Variants in ERCC3 observed in about 807,000 individuals in gnomAD.
The protein encoded by ERCC3 is general transcription and DNA repair factor IIH helicase/translocase subunit XPB.
A neutral mutation model predicts 94.2 loss-of-function variants in ERCC3; 66 were observed. That is an observed-to-expected ratio of 0.70 (90% confidence interval 0.57 to 0.86). The LOEUF is 0.86. ERCC3 is among the 40% of genes least tolerant of loss of function. The pLI is 0.00. For missense variants in ERCC3, 829 were observed against 987.1 expected, an observed-to-expected ratio of 0.84 and a Z score of 2.15; for synonymous variants, 349 against 369.1, an observed-to-expected ratio of 0.95 and a Z score of 0.63.
chr2:127,269,490 C>T (rs1004347084), intron 12 of ERCC3, among the ~76,000 whole-genome samples: 9 of 146,162 alleles, frequency 6.2e-5, no homozygotes, highest in African/African-American at 1.8e-4. Context: ...GGCGCAATCT[C>T]GGCTCACTGT....
chr2:127,261,226 A>T lies in ERCC3; in HGVS notation c.2064+2T>A. The T allele has an allele frequency of 6.3e-7, 1 of 1,576,738 alleles. No individual in the cohort carries two copies. Among genetic ancestry groups the T allele is most frequent in the Non-Finnish European group, 8.7e-7 (1 of 1,145,870 alleles). ...CTAACCAGAAGCCAAATGGATATGT[A>T]CCTTGAAGCTATAACCTTGATCTAC... On this transcript the variant is annotated splice_donor_variant, in intron 13 of 14. Coordinates refer to ENST00000285398, the MANE Select transcript of ERCC3 (RefSeq NM_000122.2). LOFTEE classifies it high-confidence loss of function.
rs540104997 is a variant in ERCC3, at chr2:127,259,059, G to A, written c.2217+237C>T. Among the ~76,000 whole-genome samples the A allele has an allele frequency of 6.6e-6, 1 of 152,280 alleles. No individual in the cohort carries two copies. The highest frequency in any genetic ancestry group is 1.9e-4 in the East Asian group (1 of 5,170). On this transcript the variant is annotated intron_variant, in intron 14 of 14. Transcript: ENST00000285398. The surrounding 1 kb of genome is among the most constrained non-coding windows in gnomAD (Gnocchi z 4.9). ...ACATCAAGATTTAACAAATACTCGT[G>A]TGAGCAAAGCAGGAGACCAGTCACA...
At position 127,259,393 on chromosome 2, in the gene ERCC3, T is replaced by A. The variant is rs775232626; in HGVS notation, c.2120A>T (p.Glu707Val). Reference protein sequence around the residue: ...EEEDLAFSTKEEQQQLLQKVL... With the variant: ...EEEDLAFSTKVEQQQLLQKVL... ...TTTCTGTAAGAGCTGCTGTTGCTCT[T>A]CTTTTGTCGAAAACGCCAAGTCTTC... The change falls in exon 14 of 15, where the codon GAA (glutamate) becomes GTA (valine). Residue 707 changes from glutamate to valine, a missense_variant. Coordinates refer to ENST00000285398, the MANE Select transcript of ERCC3 (RefSeq NM_000122.2). The surrounding 1 kb of genome is among the most constrained non-coding windows in gnomAD (Gnocchi z 4.9). 3 of 1,614,150 alleles carry A rather than the reference T, an allele frequency of 1.9e-6. No homozygotes were observed. Among genetic ancestry groups the A allele is most frequent in the Non-Finnish European group, 2.5e-6 (3 of 1,180,016 alleles).
In ERCC3 at chr2:127,291,216, C is replaced by G. The variant is rs1685259394; in HGVS notation, c.472-943G>C. ...AATTCGCAGCCAAGACCAGGCAGAGCCACAGTGTTGGTACAAGGTCCTCTC... is the reference window on the plus strand; with the variant it reads ...AATTCGCAGCCAAGACCAGGCAGAGGCACAGTGTTGGTACAAGGTCCTCTC... On this transcript the variant is annotated intron_variant, in intron 3 of 14. Transcript: ENST00000285398. This position sits in a 1 kb window ranked among gnomAD's most constrained non-coding sequence, Gnocchi z 4.9. Among the ~76,000 whole-genome samples, 1 of 152,168 alleles carries G rather than the reference C, an allele frequency of 6.6e-6. No individual in the cohort carries two copies. The highest frequency in any genetic ancestry group is 2.4e-5 in the African/African-American group (1 of 41,438).
At chr2:127,266,892 T>C (rs974381316) in intron 12 of ERCC3, among the ~76,000 whole-genome samples, 8 of 151,526 alleles carry the variant, frequency 5.3e-5, no homozygotes, top group African/African-American at 1.7e-4. Flanking sequence ...AATTTTTGTA[T>C]TTTAGTAGAG....
At position 127,289,731 on chromosome 2, in the gene ERCC3, C is replaced by T. The variant is rs13427563; in HGVS notation, c.615G>A (p.Glu205=). The change falls in exon 5 of 15, where the codon GAG becomes GAA. Residue 205 remains glutamate, a synonymous_variant. Coordinates refer to ENST00000285398, the MANE Select transcript of ERCC3 (RefSeq NM_000122.2). ...RECRLRNSEG[E]ATELITETFT... is the part of the protein sequence containing the mutation. ...AAGTCTCTGTGATGAGCTCAGTGGC[C>T]TCCCCTTCAGAGTTTCTTAAGCGGC... The T allele has an allele frequency of 6.8e-4, 1,100 of 1,614,110 alleles. 9 individuals are homozygous for T. The African/African-American group carries it at 0.013, about 19-fold the overall frequency.
chr2:127,286,500 C>T (rs930744442), intron 8 of ERCC3, among the ~76,000 whole-genome samples: 2 of 151,452 alleles, frequency 1.3e-5, no homozygotes, highest in Admixed American at 6.6e-5. Flanking sequence ...GAGCTGAGAT[C>T]GTGCCACTGC....
At chr2:127,270,348 T>TA (rs758381108) in intron 12 of ERCC3, among the ~76,000 whole-genome samples, 2 of 152,202 alleles carry the variant, frequency 1.3e-5, no homozygotes, top group African/African-American at 4.8e-5. Flanking sequence ...TTATGACTTA[T>TA]AAGCTGAATC....
intron 10 of ERCC3, among the ~76,000 whole-genome samples, chr2:127,273,749 C>CAAA (rs398039596): frequency 6.7e-4 from 27 of 40,070 alleles, no homozygotes; most frequent in Admixed American, 1.4e-3. Flanking sequence ...AACTCTGTCT[C>CAAA]AAAAAAAAAA....
chr2:127,286,639 A>G (rs534381428), intron 8 of ERCC3, 64 bp downstream of exon 8: 7 of 1,527,918 alleles, frequency 4.6e-6, no homozygotes, highest in East Asian at 2.2e-5. Flanking sequence ...CCCTTTCCCA[A>G]CCTAACAACT....
chr2:127,261,396 A>G, intron 12 of ERCC3, 50 bp from the exon 13 acceptor site: 1 of 1,132,230 alleles, frequency 8.8e-7, no homozygotes, highest in East Asian at 2.3e-5. Context: ...ATTAGCCATT[A>G]GAATGCCAAG....
chr2:127,276,672 T>C (rs2104756287), intron 10 of ERCC3, among the ~76,000 whole-genome samples: 1 of 152,168 alleles, frequency 6.6e-6, no homozygotes, highest in African/African-American at 2.4e-5. Context: ...AGGGACTACA[T>C]AGAGAAAGTG....
rs970155880 is a variant in ERCC3 at position 127,291,324 on chromosome 2, A to G, written c.472-1051T>C. The stretch of plus-strand genomic sequence containing the variant: ...AGGCTGGAGTGCAATGAATGGTGAG[A>G]TCTCAGCTCACTTCAACCTCTGCCG... On this transcript the variant is annotated intron_variant, in intron 3 of 14. Transcript: ENST00000285398. This position sits in a 1 kb window ranked among gnomAD's most constrained non-coding sequence, Gnocchi z 4.9. 6.6e-6 allele frequency among the ~76,000 whole-genome samples: 1 copy of G among 151,852 alleles called. No homozygotes were observed. The highest frequency in any genetic ancestry group is 6.6e-5 in the Admixed American group (1 of 15,254).
At chr2:127,285,118 A>G (rs1458914842) in intron 8 of ERCC3, among the ~76,000 whole-genome samples, 1 of 152,232 alleles carries the variant, frequency 6.6e-6, no homozygotes, top group African/African-American at 2.4e-5. Context: ...GGGAAGTGAA[A>G]GAAGCCAGAC....
In ERCC3 at chr2:127,264,986, T is replaced by C. The variant is rs528350251; in HGVS notation, c.1946-3640A>G. ...CCTCAGCCTTCCACGTGGATGGAAT[T>C]ACAGGCACACGCCACCAAGCCCACC... On this transcript the variant is annotated intron_variant, in intron 12 of 14. Transcript: ENST00000285398. The surrounding 1 kb of genome is among the most constrained non-coding windows in gnomAD (Gnocchi z 4.4). 2.8e-4 allele frequency among the ~76,000 whole-genome samples: 43 copies of C among 151,954 alleles called. No individual in the cohort carries two copies. The highest frequency in any genetic ancestry group is 4.6e-4 in the Non-Finnish European group (31 of 67,978).
At chr2:127,293,997 C>CG (rs746878335) in intron 1 of ERCC3, 57 bp downstream of exon 1, 6 of 1,590,146 alleles carry the variant, frequency 3.8e-6, no homozygotes, top group Non-Finnish European at 4.3e-6. Context: ...CGAGGCAGAG[C>CG]GGGGGGCAGG....
At chr2:127,288,639 C>T (rs758721812) in intron 7 of ERCC3, 21 bp downstream of exon 7, 52 of 1,609,000 alleles carry the variant, frequency 3.2e-5, no homozygotes, top group Non-Finnish European at 3.8e-5. Context: ...TGACCACCTT[C>T]TTAACTCTGG....
rs1351312042 is a variant in ERCC3, at chr2:127,289,319, GA to G, written c.822+17del. On this transcript the variant is annotated intron_variant, in intron 6 of 14. Transcript: ENST00000285398. The stretch of plus-strand genomic sequence containing the variant: ...AGCAGCTCAGTGAAGGAACCAGGAG[GA>G]AGGTACATTCACTAACCTGCTTGAC... 1.2e-5 allele frequency: 19 copies of G among 1,610,066 alleles called. No individual in the cohort carries two copies. The highest frequency in any genetic ancestry group is 1.7e-5 in the Admixed American group (1 of 60,002).
At position 127,286,872 on chromosome 2, in the gene ERCC3, C is replaced by A. The variant is rs903560811; in HGVS notation, c.1173G>T (p.Arg391=). The A allele has an allele frequency of 1.7e-5, 27 of 1,614,064 alleles. No individual in the cohort carries two copies. Among genetic ancestry groups the A allele is most frequent in the Non-Finnish European group, 2.3e-5 (27 of 1,180,050 alleles). ...GCTTGTCCTTGGCATCGGAGGTGAA[C>A]CGGCAGATCTGGCTGTCGTCAATGG... The part of the protein sequence containing the change: ...WSTIDDSQIC[R]FTSDAKDKPI... The change falls in exon 8 of 15, where the codon CGG becomes CGT. Residue 391 remains arginine, a synonymous_variant. Transcript: ENST00000285398.
Sources: gnomAD v4.1 joint callset for allele counts (sites outside exome capture counted in the v4.1 genomes callset) on GRCh38, gnomAD v4.1.1 for gene constraint, Gnocchi (gnomAD v3.1) non-coding constraint, MANE v1.5 for transcripts, NCBI Gene and HGNC (gene_info 2026-07-23, HGNC 2026-07-21) for gene names.